Variants in FAM83B observed in about 807,000 individuals in gnomAD.
FAM83B encodes the protein protein FAM83B.
Under a neutral mutation model 38.8 loss-of-function variants are expected in FAM83B, and 26 were observed. That is an observed-to-expected ratio of 0.67 (90% CI 0.49 to 0.93). FAM83B has a LOEUF of 0.93. FAM83B is among the 40% of genes least tolerant of loss of function. The pLI, the probability that FAM83B is intolerant of heterozygous loss-of-function variation, is 0.00. For missense variants in FAM83B, 1,237 were observed against 1,197.3 expected, an observed-to-expected ratio of 1.03 and a Z score of -0.49; for synonymous variants, 419 against 423.1, an observed-to-expected ratio of 0.99 and a Z score of 0.12.
At position 54,870,200 on chromosome 6, in the gene FAM83B, C is replaced by T. The variant is rs1256314282; in HGVS notation, c.-47C>T. 2 of 1,441,264 alleles carry T rather than the reference C, an allele frequency of 1.4e-6. No homozygotes were observed. Among genetic ancestry groups the T allele is most frequent in the South Asian group, 1.2e-5 (1 of 84,406 alleles). The allele number at this position is 1,441,264 out of a possible 1,614,324, so 89.3% of individuals were successfully genotyped here. On this transcript the variant is annotated 5_prime_UTR_variant, in exon 2 of 5. Transcript: ENST00000306858. Reference sequence around the variant, plus strand: ...TTCAAATACCAGATACTTCTCACCACTGCATGAATGGACATTTGAAAGTGC... The same window carrying T: ...TTCAAATACCAGATACTTCTCACCATTGCATGAATGGACATTTGAAAGTGC...
intron 2 of FAM83B, among the ~76,000 whole-genome samples, chr6:54,897,031 A>G (rs1424751671): frequency 6.6e-6 from 1 of 152,190 alleles, no homozygotes; most frequent in African/African-American, 2.4e-5. Context: ...GTTAGTATTT[A>G]GCTAGAGTTT....
intron 2 of FAM83B, among the ~76,000 whole-genome samples, chr6:54,902,419 T>C (rs1196704276): frequency 6.6e-6 from 1 of 152,116 alleles, no homozygotes; most frequent in African/African-American, 2.4e-5. Flanking sequence ...ATTCCTTAGG[T>C]CCAATATCTA....
chr6:54,868,719 A>G (rs774123457), intron 1 of FAM83B, among the ~76,000 whole-genome samples: 2 of 152,182 alleles, frequency 1.3e-5, no homozygotes, highest in African/African-American at 4.8e-5. Context: ...GGATCCAGGT[A>G]TAGTTCTAGT....
chr6:54,853,900 C>G (rs1209621252), intron 1 of FAM83B, among the ~76,000 whole-genome samples: 1 of 152,218 alleles, frequency 6.6e-6, no homozygotes, highest in Non-Finnish European at 1.5e-5. Context: ...AATCACCATT[C>G]TACATGCCAT....
chr6:54,896,811 A>C (rs1007089355), intron 2 of FAM83B, among the ~76,000 whole-genome samples: 2 of 152,226 alleles, frequency 1.3e-5, no homozygotes, highest in Non-Finnish European at 2.9e-5. Flanking sequence ...GAAAACAACA[A>C]AGATAATTTT....
At chr6:54,884,775 AT>A (rs34445504) in intron 2 of FAM83B, among the ~76,000 whole-genome samples, 60,946 of 141,358 alleles carry the variant, frequency 0.43, 12,955 homozygotes, top group East Asian at 0.81. Context: ...GTCCTCCAGT[AT>A]TTTTTTTTTT....
chr6:54,865,868 A>G (rs1161485697), intron 1 of FAM83B, among the ~76,000 whole-genome samples: 1 of 152,066 alleles, frequency 6.6e-6, no homozygotes, highest in African/African-American at 2.4e-5. Context: ...TGCTAATGGT[A>G]TGAAAAAACA....
At chr6:54,922,335 C>A (rs1328474907) in intron 2 of FAM83B, among the ~76,000 whole-genome samples, 1 of 151,680 alleles carries the variant, frequency 6.6e-6, no homozygotes. Context: ...TCAAAAAATT[C>A]TGATTAAAAA....
At position 54,883,411 on chromosome 6, in the gene FAM83B, C is replaced by T. The variant is rs574003827; in HGVS notation, c.444+12721C>T. 1.8e-3 allele frequency among the ~76,000 whole-genome samples: 255 copies of T among 144,032 alleles called. 1 individual carries two copies. Among genetic ancestry groups the T allele is most frequent in the Middle Eastern group, 0.011 (3 of 264 alleles). The allele number at this position is 144,032 out of a possible 152,430, so 94.5% of individuals were successfully genotyped here. A position where few individuals can be genotyped will look rare whatever the true frequency, so the allele number is the denominator to read the frequency against. On this transcript the variant is annotated intron_variant, in intron 2 of 4. Transcript: ENST00000306858. ...GTGCAATGGGGCAATCTTGGCTCAACGCAACCTCCGCCTCCCAGGTTCAAG... is the reference window on the plus strand; with the variant it reads ...GTGCAATGGGGCAATCTTGGCTCAATGCAACCTCCGCCTCCCAGGTTCAAG...
At chr6:54,858,323 C>T (rs1406637036) in intron 1 of FAM83B, among the ~76,000 whole-genome samples, 1 of 152,158 alleles carries the variant, frequency 6.6e-6, no homozygotes, top group Non-Finnish European at 1.5e-5. Flanking sequence ...AGGAGATCCT[C>T]ATCTTGTTGT....
intron 4 of FAM83B, among the ~76,000 whole-genome samples, chr6:54,934,377 A>G (rs1773487039): frequency 6.6e-6 from 1 of 152,208 alleles, no homozygotes; most frequent in African/African-American, 2.4e-5. Flanking sequence ...AATGCTTATC[A>G]ACGTTTGAGT....
At chr6:54,907,049 A>T (rs753480108) in intron 2 of FAM83B, among the ~76,000 whole-genome samples, 4 of 152,192 alleles carry the variant, frequency 2.6e-5, no homozygotes, top group Non-Finnish European at 5.9e-5. Flanking sequence ...CATCAAATTT[A>T]TACTCATTAC....
At chr6:54,921,238 A>G (rs143614244) in intron 2 of FAM83B, among the ~76,000 whole-genome samples, 267 of 151,944 alleles carry the variant, frequency 1.8e-3, no homozygotes, top group Middle Eastern at 6.8e-3. Context: ...TCTCTGAATT[A>G]CCATTCCCGT....
At chr6:54,927,750 AAAAAG>A (rs1233899771) in intron 4 of FAM83B, 118 bp downstream of exon 4, 39 of 917,676 alleles carry the variant, frequency 4.2e-5, no homozygotes, top group Non-Finnish European at 5.0e-5. Context: ...AAAAAAAAAA[AAAAAG>A]AGAACACTTG....
intron 2 of FAM83B, among the ~76,000 whole-genome samples, chr6:54,876,588 G>A (rs1054285062): frequency 6.6e-6 from 1 of 151,684 alleles, no homozygotes; most frequent in Non-Finnish European, 1.5e-5. Context: ...CAAATTGCTC[G>A]AATTACAGAC....
At position 54,941,893 on chromosome 6, in the gene FAM83B, G is replaced by T; in HGVS notation, c.2922G>T (p.Arg974Ser). 3 of 1,614,054 alleles carry T rather than the reference G, an allele frequency of 1.9e-6. No individual in the cohort carries two copies. Among genetic ancestry groups the T allele is most frequent in the Non-Finnish European group, 2.5e-6 (3 of 1,180,004 alleles). The change falls in exon 5 of 5, where the codon AGG (arginine) becomes AGT (serine). Residue 974 changes from arginine to serine, a missense_variant. By Grantham distance (110) the Arg-to-Ser change is moderately radical (BLOSUM62 -1). Coordinates refer to ENST00000306858, the MANE Select transcript of FAM83B (RefSeq NM_001010872.3). ...KSATMGNSYG[R>S]SSPLLNYNTG... ...CGACTATGGGCAACAGTTATGGCAGGTCTAGTCCATTGCTTAATTACAACA... is the reference window on the plus strand; with the variant it reads ...CGACTATGGGCAACAGTTATGGCAGTTCTAGTCCATTGCTTAATTACAACA...
At chr6:54,934,641 G>A (rs1773491270) in intron 4 of FAM83B, among the ~76,000 whole-genome samples, 1 of 152,102 alleles carries the variant, frequency 6.6e-6, no homozygotes, top group African/African-American at 2.4e-5. Context: ...TCCCAGTCAT[G>A]GTTTGTTTAA....
chr6:54,883,922 G>A (rs928790519), intron 2 of FAM83B, among the ~76,000 whole-genome samples: 1 of 151,756 alleles, frequency 6.6e-6, no homozygotes, highest in African/African-American at 2.4e-5. Flanking sequence ...GTAATCCCAG[G>A]ACTTTGGGAG....
Position 54,940,494 on chromosome 6 carries a change from C to T in FAM83B, c.1523C>T (p.Thr508Ile), listed in dbSNP as rs138570262. 6.2e-7 allele frequency: 1 copy of T among 1,614,078 alleles called. No homozygotes were observed. Among genetic ancestry groups the T allele is most frequent in the Non-Finnish European group, 8.5e-7 (1 of 1,180,004 alleles). ...ESYLNDHSEA[T>I]PDSNGSALGD... ...TACTTAAATGATCATTCAGAAGCTA[C>T]ACCGGACTCAAATGGATCAGCTTTA... The change falls in exon 5 of 5, where the codon ACA becomes ATA. Residue 508 changes from threonine to isoleucine, a missense_variant. Physicochemically the swap from Thr to Ile is moderately conservative, Grantham distance 89. Coordinates refer to ENST00000306858, the MANE Select transcript of FAM83B (RefSeq NM_001010872.3).
Sources: gnomAD v4.1 joint callset for allele counts (sites outside exome capture counted in the v4.1 genomes callset) on GRCh38, gnomAD v4.1.1 for gene constraint, MANE v1.5 for transcripts, NCBI Gene and HGNC (gene_info 2026-07-23, HGNC 2026-07-21) for gene names.